Variants in RPS6KB1 observed in about 807,000 individuals in gnomAD.
RPS6KB1 encodes ribosomal protein S6 kinase B1.
In RPS6KB1, 12 loss-of-function variants were observed where a neutral mutation model predicts 70.2. The observed-to-expected ratio is 0.17, with a 90% CI of 0.11 to 0.28. The LOEUF (loss-of-function observed/expected upper bound fraction) is 0.28, where lower values mean the gene tolerates loss of function less well. Among genes scored for constraint, RPS6KB1 ranks in the 10% least tolerant of loss-of-function variants. RPS6KB1 has a pLI of 1.00. For missense variants in RPS6KB1, 270 were observed against 646.6 expected (o/e 0.42, Z 6.32); for synonymous variants, 175 against 211.2 (o/e 0.83, Z 1.49).
At chr17:59,924,531 T>C (rs1598759442) in intron 4 of RPS6KB1, among the ~76,000 whole-genome samples, 1 of 152,140 alleles carries the variant, frequency 6.6e-6, no homozygotes, top group East Asian at 1.9e-4. Context: ...ATTTTATAAT[T>C]ACAGTAATAT....
chr17:59,929,905 A>C (rs1328259771), intron 5 of RPS6KB1, among the ~76,000 whole-genome samples: 1 of 152,180 alleles, frequency 6.6e-6, no homozygotes, highest in Non-Finnish European at 1.5e-5. Context: ...TAGTTTTTAA[A>C]TATATGTGTG....
At chr17:59,895,707 A>G (rs1230329467) in intron 1 of RPS6KB1, among the ~76,000 whole-genome samples, 3 of 151,902 alleles carry the variant, frequency 2.0e-5, no homozygotes, top group African/African-American at 4.8e-5. Context: ...ATCTCGGCTC[A>G]CTGCAGCCTC....
Position 59,893,132 on chromosome 17 carries a change from A to G in RPS6KB1, c.-53A>G. The G allele has an allele frequency of 1.3e-6, 2 of 1,588,618 alleles. No individual in the cohort carries two copies. Among genetic ancestry groups the G allele is most frequent in the Admixed American group, 1.8e-5 (1 of 54,960 alleles). On this transcript the variant is annotated 5_prime_UTR_variant, in exon 1 of 15. Coordinates refer to ENST00000225577, the MANE Select transcript of RPS6KB1 (RefSeq NM_003161.4). The surrounding 1 kb of genome is among the most constrained non-coding windows in gnomAD (Gnocchi z 4.1). ...GCCTAGGCGCAGACGCACTGAGCCT[A>G]AGCAGCCGGTGATGGCGGCAGCGGC...
At chr17:59,932,213 G>T (rs1222020486) in intron 7 of RPS6KB1, among the ~76,000 whole-genome samples, 2 of 151,328 alleles carry the variant, frequency 1.3e-5, no homozygotes, top group African/African-American at 4.9e-5. Context: ...AAGACGCCTG[G>T]CCAACATGGT....
chr17:59,941,145 T>C (rs1188355982), intron 13 of RPS6KB1, among the ~76,000 whole-genome samples: 1 of 152,064 alleles, frequency 6.6e-6, no homozygotes, highest in South Asian at 2.1e-4. Context: ...TTTTAGCAAT[T>C]AGAGTGGGAA....
At chr17:59,941,053 C>CT (rs11377635) in intron 13 of RPS6KB1, 110 bp downstream of exon 13, 57,432 of 470,400 alleles carry the variant, frequency 0.12, 1,154 homozygotes, top group African/African-American at 0.18. Flanking sequence ...ACCTGGCCCA[C>CT]TTTTTTTTTT....
chr17:59,903,356 T>G (rs1175772757), intron 1 of RPS6KB1, among the ~76,000 whole-genome samples: 1 of 150,600 alleles, frequency 6.6e-6, no homozygotes, highest in Non-Finnish European at 1.5e-5. Flanking sequence ...GCACTTGTAG[T>G]CCCAGCTGTT....
chr17:59,921,849 C>T (rs1224634284), intron 4 of RPS6KB1, among the ~76,000 whole-genome samples: 3 of 152,100 alleles, frequency 2.0e-5, no homozygotes, highest in African/African-American at 7.2e-5. Flanking sequence ...TGAAATATTG[C>T]GGTTTCATAG....
intron 1 of RPS6KB1, among the ~76,000 whole-genome samples, chr17:59,897,084 A>G (rs370671282): frequency 9.2e-5 from 14 of 152,352 alleles, no homozygotes; most frequent in African/African-American, 3.4e-4. Context: ...GGCATAGGCC[A>G]TATGATAGCC....
intron 13 of RPS6KB1, 131 bp from the exon 14 acceptor site, chr17:59,945,275 G>A: frequency 1.8e-6 from 1 of 552,018 alleles, no homozygotes. Context: ...TGAGGTTGAG[G>A]ACGTGGGAGA....
intron 13 of RPS6KB1, among the ~76,000 whole-genome samples, chr17:59,943,334 C>G (rs1257410885): frequency 6.6e-6 from 1 of 152,066 alleles, no homozygotes; most frequent in African/African-American, 2.4e-5. Flanking sequence ...ACATAGAGAC[C>G]TTTTCCTCAA....
intron 4 of RPS6KB1, among the ~76,000 whole-genome samples, chr17:59,919,376 G>A (rs1226944680): frequency 6.6e-6 from 1 of 152,126 alleles, no homozygotes; most frequent in Non-Finnish European, 1.5e-5. Flanking sequence ...AATCGCTTGA[G>A]CCTGGGAGGT....
chr17:59,938,437 G>T (rs1424768393), intron 12 of RPS6KB1, among the ~76,000 whole-genome samples: 4 of 151,198 alleles, frequency 2.6e-5, no homozygotes, highest in Non-Finnish European at 4.4e-5. Context: ...ATTTAATCAA[G>T]GTCTGTATAT....
At chr17:59,903,740 G>A (rs867593089) in intron 1 of RPS6KB1, among the ~76,000 whole-genome samples, 1 of 151,992 alleles carries the variant, frequency 6.6e-6, no homozygotes, top group Non-Finnish European at 1.5e-5. Flanking sequence ...TATCCTAGTG[G>A]GTGTGAAGTA....
Position 59,946,295 on chromosome 17 carries a change from G to A in RPS6KB1, c.1341-256G>A, listed in dbSNP as rs1438223595. On this transcript the variant is annotated intron_variant, in intron 14 of 14. Coordinates refer to ENST00000225577, the MANE Select transcript of RPS6KB1 (RefSeq NM_003161.4). The surrounding 1 kb of genome is among the most constrained non-coding windows in gnomAD (Gnocchi z 4.2). ...GAGAGTAAAATGATATATATAATAC[G>A]CATTTAAATGTATATATATCTCATT... 1.3e-5 allele frequency among the ~76,000 whole-genome samples: 2 copies of A among 152,038 alleles called. No individual in the cohort carries two copies. Among genetic ancestry groups the A allele is most frequent in the Non-Finnish European group, 2.9e-5 (2 of 68,014 alleles).
intron 4 of RPS6KB1, among the ~76,000 whole-genome samples, chr17:59,920,825 A>G (rs2043220375): frequency 6.6e-6 from 1 of 152,088 alleles, no homozygotes; most frequent in Non-Finnish European, 1.5e-5. Flanking sequence ...CAGCCTCCCA[A>G]ATAGCTGGGA....
At chr17:59,937,196 A>G (rs2044294318) in intron 12 of RPS6KB1, among the ~76,000 whole-genome samples, 2 of 152,324 alleles carry the variant, frequency 1.3e-5, no homozygotes, top group South Asian at 4.1e-4. Flanking sequence ...CTTGTAAAGA[A>G]CTAAACCCAG....
Position 59,903,864 on chromosome 17 carries a change from C to A in RPS6KB1, c.142-6698C>A, listed in dbSNP as rs570057698. 2.0e-5 allele frequency among the ~76,000 whole-genome samples: 3 copies of A among 152,020 alleles called. No homozygotes were observed. In the South Asian group the frequency reaches 6.2e-4, roughly 32 times the overall value. On this transcript the variant is annotated intron_variant, in intron 1 of 14. Transcript: ENST00000225577. The stretch of plus-strand genomic sequence containing the variant: ...TCTTTGGAGAAATACCTATTCAGAT[C>A]CTAGCTCATTTTTCAAAAATTGGGT...
At chr17:59,897,320 T>C (rs943003975) in intron 1 of RPS6KB1, among the ~76,000 whole-genome samples, 1 of 152,236 alleles carries the variant, frequency 6.6e-6, no homozygotes, top group African/African-American at 2.4e-5. Flanking sequence ...TAAAGTACAG[T>C]ACTCTCAAAA....
Sources: gnomAD v4.1 joint callset for allele counts (sites outside exome capture counted in the v4.1 genomes callset) on GRCh38, gnomAD v4.1.1 for gene constraint, Gnocchi (gnomAD v3.1) non-coding constraint, MANE v1.5 for transcripts, NCBI Gene and HGNC (gene_info 2026-07-23, HGNC 2026-07-21) for gene names.